Variants in GPC5 observed in about 807,000 individuals in gnomAD.
The protein encoded by GPC5 is glypican-5.
GPC5 carries 47 observed loss-of-function variants against 53.9 expected under a neutral mutation model. The ratio of observed to expected loss-of-function variants is 0.87; its 90% CI spans 0.69 to 1.11. GPC5 has a LOEUF of 1.11. Among genes scored for constraint, GPC5 ranks in the 50% most tolerant of loss-of-function variants. The pLI, the probability that GPC5 is intolerant of heterozygous loss-of-function variation, is 0.00. For missense variants in GPC5, 748 were observed against 713.1 expected (o/e 1.05, Z -0.56); for synonymous variants, 286 against 263.3 (o/e 1.09, Z -0.84).
chr13:92,425,835 G>C (rs1189695765), intron 7 of GPC5, among the ~76,000 whole-genome samples: 1 of 151,904 alleles, frequency 6.6e-6, no homozygotes, highest in Admixed American at 6.6e-5. Flanking sequence ...TAGTTTATAT[G>C]TTATCTTCAT....
chr13:91,803,828 A>G (rs1368399073), intron 5 of GPC5, among the ~76,000 whole-genome samples: 2 of 151,622 alleles, frequency 1.3e-5, no homozygotes, highest in Admixed American at 1.3e-4. Flanking sequence ...ATGAGATAAG[A>G]TATGAGGTGA....
chr13:92,819,890 G>A (rs1044670359), intron 7 of GPC5, among the ~76,000 whole-genome samples: 11 of 151,990 alleles, frequency 7.2e-5, no homozygotes, highest in African/African-American at 2.2e-4. Context: ...CTCCTTTCTT[G>A]TTAGGAAAAA....
chr13:92,140,133 A>G (rs1008065013), intron 6 of GPC5, among the ~76,000 whole-genome samples: 5 of 152,204 alleles, frequency 3.3e-5, no homozygotes, highest in Non-Finnish European at 7.3e-5. Context: ...TAGATAAAAT[A>G]AGAAAATGAA....
At chr13:92,088,492 C>CA (rs1477026863) in intron 6 of GPC5, among the ~76,000 whole-genome samples, 1 of 152,172 alleles carries the variant, frequency 6.6e-6, no homozygotes, top group African/African-American at 2.4e-5. Flanking sequence ...ATTGGAATGA[C>CA]ATGACTGAGT....
At chr13:92,818,878 T>G (rs1370275598) in intron 7 of GPC5, among the ~76,000 whole-genome samples, 5 of 151,980 alleles carry the variant, frequency 3.3e-5, no homozygotes, top group African/African-American at 1.2e-4. Flanking sequence ...GCAAATACAG[T>G]TCTTTCTAAA....
chr13:91,523,968 T>A (rs1229132910), intron 2 of GPC5, among the ~76,000 whole-genome samples: 1 of 151,916 alleles, frequency 6.6e-6, no homozygotes, highest in Non-Finnish European at 1.5e-5. Context: ...ATTATAATTT[T>A]AAAAATATAT....
chr13:92,854,817 A>T (rs1055208903), intron 7 of GPC5, among the ~76,000 whole-genome samples: 4 of 151,854 alleles, frequency 2.6e-5, no homozygotes, highest in Non-Finnish European at 2.9e-5. Context: ...TAGTTTGCAA[A>T]TTTTTTTCTA....
intron 7 of GPC5, among the ~76,000 whole-genome samples, chr13:92,790,764 G>A (rs1472797610): frequency 6.6e-6 from 1 of 152,078 alleles, no homozygotes; most frequent in Non-Finnish European, 1.5e-5. Flanking sequence ...ATTTCCTAAT[G>A]GCCTTGTTTA....
intron 7 of GPC5, among the ~76,000 whole-genome samples, chr13:92,382,361 T>C (rs1048017711): frequency 1.3e-5 from 2 of 151,970 alleles, no homozygotes; most frequent in African/African-American, 4.8e-5. Context: ...CAATAACTTA[T>C]GGAAAAATAA....
chr13:91,604,221 C>T (rs1285031166), intron 2 of GPC5, among the ~76,000 whole-genome samples: 43 of 142,328 alleles, frequency 3.0e-4, no homozygotes, highest in Middle Eastern at 7.0e-3. Flanking sequence ...TTTGTTCTTG[C>T]GATAGTTTAC....
At position 92,667,643 on chromosome 13, in the gene GPC5, A is replaced by C. The variant is rs558766536; in HGVS notation, c.1562-198639A>C. 1.2e-3 allele frequency among the ~76,000 whole-genome samples: 185 copies of C among 152,096 alleles called. 1 individual carries two copies. The highest frequency in any genetic ancestry group is 4.4e-3 in the African/African-American group (181 of 41,510). The stretch of plus-strand genomic sequence containing the variant: ...GGGAAGATTGGAGAAGATGGCTGAC[A>C]TTGCTGCTTTGGGGTACTTGCTCTA... On this transcript the variant is annotated intron_variant, in intron 7 of 7. Coordinates refer to ENST00000377067, the MANE Select transcript of GPC5 (RefSeq NM_004466.6).
At chr13:91,677,685 A>G (rs114795862) in intron 2 of GPC5, among the ~76,000 whole-genome samples, 158 of 152,302 alleles carry the variant, frequency 1.0e-3, no homozygotes, top group African/African-American at 3.6e-3. Context: ...TAAAGACACC[A>G]TTTTTTGAAT....
chr13:91,685,009 C>G (rs1275630754), intron 2 of GPC5, among the ~76,000 whole-genome samples: 3 of 152,166 alleles, frequency 2.0e-5, no homozygotes, highest in African/African-American at 7.2e-5. Flanking sequence ...ATAGCTGGCT[C>G]TTTTTCATCA....
intron 2 of GPC5, among the ~76,000 whole-genome samples, chr13:91,569,496 C>T (rs2031686897): frequency 6.6e-6 from 1 of 152,080 alleles, no homozygotes; most frequent in African/African-American, 2.4e-5. Context: ...TAATATATAA[C>T]ATTTTTGTTC....
chr13:92,524,085 A>G (rs1881178821), intron 7 of GPC5, among the ~76,000 whole-genome samples: 2 of 152,106 alleles, frequency 1.3e-5, no homozygotes, highest in South Asian at 2.1e-4. Flanking sequence ...TTAAAAGCAG[A>G]CAATGATAAA....
chr13:91,824,017 A>G (rs937386254), intron 5 of GPC5, among the ~76,000 whole-genome samples: 2 of 152,076 alleles, frequency 1.3e-5, no homozygotes, highest in African/African-American at 4.8e-5. Flanking sequence ...GCTTGAAATC[A>G]TGGGCCAGTA....
chr13:91,904,229 G>A (rs557649138), intron 5 of GPC5, among the ~76,000 whole-genome samples: 1 of 143,688 alleles, frequency 7.0e-6, no homozygotes, highest in South Asian at 2.2e-4. Context: ...CACATGGTCA[G>A]TGTGGTGTGA....
chr13:91,961,757 G>A (rs955225658), intron 6 of GPC5, among the ~76,000 whole-genome samples: 9 of 151,980 alleles, frequency 5.9e-5, no homozygotes, highest in African/African-American at 1.4e-4. Flanking sequence ...TCTCACTAGC[G>A]TAATACTGAG....
chr13:91,983,560 C>T (rs1212118614), intron 6 of GPC5, among the ~76,000 whole-genome samples: 1 of 152,146 alleles, frequency 6.6e-6, no homozygotes, highest in South Asian at 2.1e-4. Flanking sequence ...CATCCACAAT[C>T]GTCTCTCCAG....
Sources: allele counts gnomAD v4.1 joint callset (sites outside exome capture counted in the v4.1 genomes callset), GRCh38; gene constraint gnomAD v4.1.1; transcripts MANE v1.5; gene names NCBI Gene and HGNC (gene_info 2026-07-23, HGNC 2026-07-21).